ZNF846: variants seen among roughly 807,000 people sequenced by gnomAD.
ZNF846 encodes zinc finger protein 846.
ZNF846 carries 15 observed loss-of-function variants against 16.0 expected under a neutral mutation model. The observed-to-expected ratio is 0.94, with a 90% CI of 0.63 to 1.45. The LOEUF is 1.45. Among genes scored for constraint, ZNF846 ranks in the 40% most tolerant of loss-of-function variants. The pLI is 0.00. For missense variants in ZNF846, 714 were observed against 622.3 expected (o/e 1.15, Z -1.57); for synonymous variants, 229 against 212.0 (o/e 1.08, Z -0.70).
intron 1 of ZNF846, among the ~76,000 whole-genome samples, chr19:9,785,252 G>A (rs1055174549): frequency 1.4e-5 from 2 of 146,570 alleles, no homozygotes; most frequent in Admixed American, 1.4e-4. Context: ...CACCAGGCTG[G>A]AGTGGCCCGA....
At chr19:9,761,572 G>T (rs550059145) in intron 4 of ZNF846, among the ~76,000 whole-genome samples, 1 of 151,822 alleles carries the variant, frequency 6.6e-6, no homozygotes. Flanking sequence ...TTAGTTGGGC[G>T]TGGTGTCAGG....
chr19:9,774,869 C>T (rs976794323), intron 1 of ZNF846: 204 of 1,610,046 alleles, frequency 1.3e-4, no homozygotes, highest in Non-Finnish European at 1.6e-4. Flanking sequence ...TCGGGCTGAC[C>T]TAGCTGAAGA....
At chr19:9,768,200 G>C (rs2045347597) in intron 1 of ZNF846, 89 bp downstream of exon 1, 2 of 152,158 alleles carry the variant, frequency 1.3e-5, no homozygotes, top group South Asian at 4.1e-4. Context: ...CTGCACACTT[G>C]ACAAAGCATT....
chr19:9,780,757 T>C (rs950248393), intron 1 of ZNF846, among the ~76,000 whole-genome samples: 5 of 152,262 alleles, frequency 3.3e-5, no homozygotes. Context: ...CCTGACCTAG[T>C]GATGTTTTAC....
At chr19:9,770,857 C>T (rs2045384102), upstream of ZNF846, among the ~76,000 whole-genome samples, 1 of 151,434 alleles carries the variant, frequency 6.6e-6, no homozygotes, top group Non-Finnish European at 1.5e-5. Flanking sequence ...CAACTGAGCA[C>T]AACTGTCTCA....
chr19:9,759,929 T>A (rs756702585), exon 5 of ZNF846: 1 of 1,612,358 alleles, frequency 6.2e-7, no homozygotes, highest in East Asian at 2.2e-5. Context: ...TGGTTTTGAG[T>A]TGCAAATCCA....
intron 1 of ZNF846, among the ~76,000 whole-genome samples, chr19:9,778,401 G>C (rs2045468253): frequency 6.6e-6 from 1 of 152,156 alleles, no homozygotes; most frequent in South Asian, 2.1e-4. Flanking sequence ...AATGTCTCCA[G>C]ACATTGCTAA....
intron 1 of ZNF846, among the ~76,000 whole-genome samples, chr19:9,782,070 C>T (rs544000489): frequency 6.6e-6 from 1 of 152,066 alleles, no homozygotes; most frequent in Admixed American, 6.6e-5. Context: ...AGCCACCGCA[C>T]CCGGCCTAAT....
downstream of ZNF846, chr19:9,756,190 CAAGTA>C (rs906981299): frequency 1.3e-5 from 2 of 150,096 alleles, no homozygotes; most frequent in African/African-American, 2.5e-5. Flanking sequence ...TGGGTTTTCA[CAAGTA>C]TAGTAAGACT....
rs199889276 is a variant in ZNF846, at chr19:9,785,210, T to TG, written c.-86+727_-86+728insC. On this transcript the variant is annotated intron_variant, in intron 1 of 4. Coordinates refer to the ZNF846 transcript ENST00000586814. ...TCCCCCTTCACCGAGATTTTTTTTT[T>TG]TTTTTTTTTTTGAGACGGAGTCTCG... Among the ~76,000 whole-genome samples the TG allele has an allele frequency of 8.8e-3, 1,306 of 148,754 alleles. 17 individuals are homozygous for TG. The highest frequency in any genetic ancestry group is 0.03 in the African/African-American group (1,197 of 40,312).
chr19:9,754,030 C>G (rs754340484), downstream of ZNF846, among the ~76,000 whole-genome samples: 3 of 151,448 alleles, frequency 2.0e-5, no homozygotes, highest in Non-Finnish European at 4.4e-5. Flanking sequence ...TTTAATTTTG[C>G]CAATATTTAC....
intron 1 of ZNF846, among the ~76,000 whole-genome samples, chr19:9,784,152 T>C (rs1241584944): frequency 6.9e-6 from 1 of 144,854 alleles, no homozygotes; most frequent in African/African-American, 2.8e-5. Context: ...ACACAAAGTA[T>C]AGAGGAAGAA....
chr19:9,763,176 A>C, intron 3 of ZNF846, 106 bp downstream of exon 3: 2 of 1,056,118 alleles, frequency 1.9e-6, no homozygotes, highest in Non-Finnish European at 1.3e-6. Flanking sequence ...TCCACTGGCC[A>C]AGGTCCATGC....
chr19:9,764,764 C>T (rs764509892), intron 2 of ZNF846, 172 bp downstream of exon 2: 1 of 725,350 alleles, frequency 1.4e-6, no homozygotes, highest in Non-Finnish European at 2.4e-6. Context: ...ACTTCCATTG[C>T]AATCTCTGTA....
In ZNF846 at chr19:9,774,937, T is replaced by C. The variant is rs552700350; in HGVS notation, c.-85-9902A>G. 2.1e-5 allele frequency: 34 copies of C among 1,609,426 alleles called. No homozygotes were observed. In the East Asian group the frequency reaches 7.6e-4, roughly 36 times the overall value. On this transcript the variant is annotated intron_variant, in intron 1 of 4. Coordinates refer to the ZNF846 transcript ENST00000586814. ...ATGCTGAAGAGTTTACAAAGAAATA[T>C]GGGGAAAGTGACCTGTGGACTAAAA...
intron 1 of ZNF846, among the ~76,000 whole-genome samples, chr19:9,776,604 G>A (rs891145833): frequency 3.9e-5 from 6 of 152,172 alleles, no homozygotes; most frequent in East Asian, 1.9e-4. Context: ...AAATAACAGC[G>A]CAGCCAGACA....
intron 4 of ZNF846, among the ~76,000 whole-genome samples, 187 bp downstream of exon 4, chr19:9,761,895 G>A (rs753366550): frequency 1.5e-4 from 22 of 150,800 alleles, no homozygotes; most frequent in Non-Finnish European, 2.4e-4. Context: ...CAGAAAAGAG[G>A]TTGAGAAGAT....
intron 1 of ZNF846, among the ~76,000 whole-genome samples, chr19:9,775,748 G>C: frequency 6.6e-6 from 1 of 152,208 alleles, no homozygotes; most frequent in East Asian, 1.9e-4. Flanking sequence ...TGATGGGTTT[G>C]TGTGTGGGGT....
exon 6 of ZNF846, chr19:9,757,623 T>C: frequency 6.2e-7 from 1 of 1,613,706 alleles, no homozygotes; most frequent in Non-Finnish European, 8.5e-7. Flanking sequence ...CCTGAAGGCT[T>C]TCCCACATTC....
Sources: allele counts gnomAD v4.1 joint callset (sites outside exome capture counted in the v4.1 genomes callset), GRCh38; gene constraint gnomAD v4.1.1; transcripts MANE v1.5; gene names NCBI Gene and HGNC (gene_info 2026-07-23, HGNC 2026-07-21).